DNER: variants seen among roughly 807,000 people sequenced by gnomAD.
The protein encoded by DNER is delta and Notch-like epidermal growth factor-related receptor.
DNER carries 33 observed loss-of-function variants against 78.2 expected under a neutral mutation model. The observed-to-expected ratio is 0.42, with a 90% CI of 0.32 to 0.56. DNER has a LOEUF of 0.56. DNER is among the 20% of genes least tolerant of loss of function. DNER has a pLI of 0.11. For synonymous variants in DNER, 417 were observed against 384.8 expected (o/e 1.08, Z -0.98); for missense variants, 918 against 975.3 (o/e 0.94, Z 0.78).
At chr2:229,481,173 G>A (rs575737569) in intron 6 of DNER, among the ~76,000 whole-genome samples, 2 of 152,286 alleles carry the variant, frequency 1.3e-5, no homozygotes, top group South Asian at 4.2e-4. Context: ...CAGTTGCTTG[G>A]TGCGAGCGTT....
At chr2:229,432,284 G>A (rs1694022508) in intron 8 of DNER, among the ~76,000 whole-genome samples, 1 of 152,050 alleles carries the variant, frequency 6.6e-6, no homozygotes, top group South Asian at 2.1e-4. Flanking sequence ...GTTTAGAAAA[G>A]CAAAGGTAGA....
intron 8 of DNER, among the ~76,000 whole-genome samples, chr2:229,433,471 C>T (rs1363089447): frequency 6.6e-6 from 1 of 152,024 alleles, no homozygotes; most frequent in Non-Finnish European, 1.5e-5. Context: ...CAACAAATGA[C>T]GTATTGGAAA....
chr2:229,398,306 A>G (rs1169650671), intron 10 of DNER, among the ~76,000 whole-genome samples: 1 of 152,106 alleles, frequency 6.6e-6, no homozygotes, highest in African/African-American at 2.4e-5. Flanking sequence ...AACTCATCAA[A>G]TATAAAATAG....
chr2:229,494,282 T>C (rs912709713), intron 6 of DNER, among the ~76,000 whole-genome samples: 2 of 152,162 alleles, frequency 1.3e-5, no homozygotes, highest in African/African-American at 4.8e-5. Context: ...CTAAATCAGA[T>C]ATGAATGAAA....
chr2:229,475,720 T>C (rs1432443148), intron 7 of DNER, among the ~76,000 whole-genome samples: 1 of 152,154 alleles, frequency 6.6e-6, no homozygotes, highest in Non-Finnish European at 1.5e-5. Context: ...TTTGTGCAAA[T>C]TACCCCCATC....
chr2:229,629,288 A>G (rs573982294), intron 1 of DNER, among the ~76,000 whole-genome samples: 8 of 152,322 alleles, frequency 5.3e-5, no homozygotes, highest in African/African-American at 1.9e-4. Flanking sequence ...AATGCTTTCC[A>G]ATATTCTAGT....
chr2:229,509,886 T>C (rs993008542), intron 6 of DNER, among the ~76,000 whole-genome samples: 1 of 152,098 alleles, frequency 6.6e-6, no homozygotes, highest in South Asian at 2.1e-4. Flanking sequence ...CACAAATGTA[T>C]GCTGAAAACA....
At chr2:229,620,447 G>A (rs1304720396) in intron 1 of DNER, among the ~76,000 whole-genome samples, 1 of 152,144 alleles carries the variant, frequency 6.6e-6, no homozygotes, top group Admixed American at 6.5e-5. Flanking sequence ...TTAAATGTCA[G>A]CCATCGGGCT....
At chr2:229,419,917 G>A (rs1265480889) in intron 8 of DNER, among the ~76,000 whole-genome samples, 1 of 147,452 alleles carries the variant, frequency 6.8e-6, no homozygotes, top group Non-Finnish European at 1.5e-5. Context: ...GGTTGCTGCT[G>A]GCATCTAGTA....
At chr2:229,375,595 G>A (rs972177771) in intron 11 of DNER, among the ~76,000 whole-genome samples, 29 of 152,102 alleles carry the variant, frequency 1.9e-4, no homozygotes, top group African/African-American at 6.5e-4. Flanking sequence ...TTGCTTCCAA[G>A]GGGAAAAGTT....
chr2:229,363,204 C>G, intron 12 of DNER, among the ~76,000 whole-genome samples: 1 of 152,146 alleles, frequency 6.6e-6, no homozygotes, highest in Non-Finnish European at 1.5e-5. Context: ...CTCAACCCTA[C>G]TAGGAGTTAC....
At chr2:229,626,782 G>C (rs994141457) in intron 1 of DNER, among the ~76,000 whole-genome samples, 5 of 152,310 alleles carry the variant, frequency 3.3e-5, no homozygotes, top group Middle Eastern at 3.4e-3. Flanking sequence ...AGTCATTTAA[G>C]TTTTGAAACT....
intron 7 of DNER, among the ~76,000 whole-genome samples, chr2:229,455,553 A>G (rs1694554080): frequency 6.6e-6 from 1 of 152,002 alleles, no homozygotes; most frequent in African/African-American, 2.4e-5. Context: ...ATGTCTATAA[A>G]CGGAGATTTC....
At chr2:229,473,683 G>A (rs1694975406) in intron 7 of DNER, among the ~76,000 whole-genome samples, 1 of 152,132 alleles carries the variant, frequency 6.6e-6, no homozygotes, top group Admixed American at 6.5e-5. Context: ...ATTAGGTGTG[G>A]GAAACAAGAT....
At chr2:229,549,738 C>T (rs1039270512) in intron 4 of DNER, among the ~76,000 whole-genome samples, 6 of 151,960 alleles carry the variant, frequency 3.9e-5, no homozygotes, top group African/African-American at 1.4e-4. Flanking sequence ...GGTGAAACCC[C>T]CATCTCTACT....
At chr2:229,659,940 C>T (rs1033648380) in intron 1 of DNER, among the ~76,000 whole-genome samples, 4 of 152,072 alleles carry the variant, frequency 2.6e-5, no homozygotes, top group Admixed American at 6.5e-5. Context: ...TAGAATATAA[C>T]TGCTATATTT....
At chr2:229,369,247 T>A (rs576829495) in intron 11 of DNER, among the ~76,000 whole-genome samples, 48 of 150,474 alleles carry the variant, frequency 3.2e-4, no homozygotes, top group Middle Eastern at 6.8e-3. Context: ...CTAAAAAGTT[T>A]AAAAAAAAAG....
At chr2:229,485,661 T>C (rs906077065) in intron 6 of DNER, among the ~76,000 whole-genome samples, 3 of 152,078 alleles carry the variant, frequency 2.0e-5, no homozygotes, top group Non-Finnish European at 4.4e-5. Flanking sequence ...AGGTCAATGG[T>C]AAATTACATG....
At chr2:229,530,975 G>A (rs1696290165) in intron 5 of DNER, among the ~76,000 whole-genome samples, 1 of 152,252 alleles carries the variant, frequency 6.6e-6, no homozygotes, top group Admixed American at 6.5e-5. Flanking sequence ...ACAGATGCTG[G>A]GGGTGAGGTG....
Sources: gnomAD v4.1 joint callset for allele counts (sites outside exome capture counted in the v4.1 genomes callset) on GRCh38, gnomAD v4.1.1 for gene constraint, MANE v1.5 for transcripts, NCBI Gene and HGNC (gene_info 2026-07-23, HGNC 2026-07-21) for gene names.